AUTS2: variants seen among roughly 807,000 people sequenced by gnomAD.
AUTS2 encodes autism susceptibility gene 2 protein.
Under a neutral mutation model 112.4 loss-of-function variants are expected in AUTS2, and 17 were observed. That is an observed-to-expected ratio of 0.15 (90% CI 0.10 to 0.23). AUTS2 has a LOEUF of 0.23. AUTS2 is among the 10% of genes least tolerant of loss of function. The pLI is 1.00. For missense variants in AUTS2, 1,510 were observed against 1,701.6 expected, an observed-to-expected ratio of 0.89 and a Z score of 1.98; for synonymous variants, 751 against 702.7, an observed-to-expected ratio of 1.07 and a Z score of -1.09.
At chr7:70,023,358 G>T (rs1039201992) in intron 2 of AUTS2, among the ~76,000 whole-genome samples, 2 of 152,138 alleles carry the variant, frequency 1.3e-5, no homozygotes, top group Non-Finnish European at 2.9e-5. Flanking sequence ...CCTGGTGAAT[G>T]TCATTTTCTC....
chr7:70,238,013 A>G (rs1325098390), intron 4 of AUTS2, among the ~76,000 whole-genome samples: 2 of 152,224 alleles, frequency 1.3e-5, no homozygotes, highest in African/African-American at 2.4e-5. Flanking sequence ...CAAGTCCCAA[A>G]GAGAACTTAT....
At chr7:69,814,379 A>G (rs539931623) in intron 1 of AUTS2, among the ~76,000 whole-genome samples, 1 of 152,340 alleles carries the variant, frequency 6.6e-6, no homozygotes, top group African/African-American at 2.4e-5. Flanking sequence ...GATTGTCAGC[A>G]AGAGATTGGA....
intron 6 of AUTS2, among the ~76,000 whole-genome samples, chr7:70,708,586 T>C (rs1393854912): frequency 6.7e-6 from 1 of 150,318 alleles, no homozygotes; most frequent in African/African-American, 2.4e-5. Context: ...AACTCACTAA[T>C]TAAAAAAAAA....
intron 4 of AUTS2, among the ~76,000 whole-genome samples, chr7:70,193,260 C>G (rs1809998695): frequency 6.6e-6 from 1 of 151,600 alleles, no homozygotes; most frequent in Admixed American, 6.8e-5. Flanking sequence ...TAAACGTATG[C>G]ATTTGTACCT....
chr7:69,727,351 G>T (rs940352721), intron 1 of AUTS2, among the ~76,000 whole-genome samples: 1 of 152,106 alleles, frequency 6.6e-6, no homozygotes, highest in African/African-American at 2.4e-5. Flanking sequence ...CAGCACTTTG[G>T]GGGGATGAGG....
rs529597953 is a variant in AUTS2, at chr7:69,995,224, C to T, written c.522+95726C>T. Among the ~76,000 whole-genome samples, 3 of 152,232 alleles carry T rather than the reference C, an allele frequency of 2.0e-5. No individual in the cohort carries two copies. In the South Asian group the frequency reaches 6.2e-4, roughly 32 times the overall value. ...AAGAAATATAGCTGTAATTATATAT[C>T]CTCGTTCTTGTTACTCTCTCCCCAT... is the stretch of plus-strand genomic sequence containing the variant. On this transcript the variant is annotated intron_variant, in intron 2 of 18. Coordinates refer to ENST00000342771, the MANE Select transcript of AUTS2 (RefSeq NM_015570.4).
At chr7:70,560,123 A>G (rs997873907) in intron 5 of AUTS2, among the ~76,000 whole-genome samples, 1 of 152,156 alleles carries the variant, frequency 6.6e-6, no homozygotes, top group Non-Finnish European at 1.5e-5. Context: ...ATCCCGTTAT[A>G]TAGATGGTCG....
rs542397634 is a variant in AUTS2 at position 70,607,929 on chromosome 7, G to A, written c.691-90640G>A. On this transcript the variant is annotated intron_variant, in intron 5 of 18. Transcript: ENST00000342771. ...CATGTGGAATGTTGGTGGTCAATGT[G>A]TTATGTTAAGAAACTTAAAACCCTC... is the stretch of plus-strand genomic sequence containing the variant. Among the ~76,000 whole-genome samples, 4 of 152,286 alleles carry A rather than the reference G, an allele frequency of 2.6e-5. No homozygotes were observed. The South Asian group carries it at 8.3e-4, about 32-fold the overall frequency.
chr7:69,695,691 T>G (rs1196151368), intron 1 of AUTS2, among the ~76,000 whole-genome samples: 1 of 152,210 alleles, frequency 6.6e-6, no homozygotes, highest in Non-Finnish European at 1.5e-5. Flanking sequence ...TTGCTATATT[T>G]TAAGAGCATG....
intron 1 of AUTS2, among the ~76,000 whole-genome samples, chr7:69,647,226 A>C (rs1795065523): frequency 6.6e-6 from 1 of 152,072 alleles, no homozygotes. Context: ...GGAATTTCAG[A>C]CTCAATTTTT....
At chr7:69,738,950 A>T (rs1346956779) in intron 1 of AUTS2, among the ~76,000 whole-genome samples, 1 of 152,106 alleles carries the variant, frequency 6.6e-6, no homozygotes, top group Non-Finnish European at 1.5e-5. Context: ...TGCAGTTATT[A>T]GTGTGAATGC....
At chr7:70,643,685 T>C (rs1254207263) in intron 5 of AUTS2, among the ~76,000 whole-genome samples, 1 of 152,226 alleles carries the variant, frequency 6.6e-6, no homozygotes, top group East Asian at 1.9e-4. Flanking sequence ...TCTGGGAATT[T>C]TTCTAGACTG....
intron 1 of AUTS2, among the ~76,000 whole-genome samples, chr7:69,706,828 G>C (rs1202652937): frequency 2.6e-5 from 4 of 152,160 alleles, no homozygotes; most frequent in Admixed American, 6.5e-5. Context: ...AGCTGCTTGT[G>C]TTGTATTGTG....
At chr7:70,669,145 G>A (rs1031216331) in intron 5 of AUTS2, among the ~76,000 whole-genome samples, 3 of 152,152 alleles carry the variant, frequency 2.0e-5, no homozygotes, top group Non-Finnish European at 2.9e-5. Context: ...AAACACACCC[G>A]AACAGCGGTC....
intron 4 of AUTS2, among the ~76,000 whole-genome samples, chr7:70,156,296 A>C (rs1205112153): frequency 6.6e-6 from 1 of 152,210 alleles, no homozygotes; most frequent in East Asian, 1.9e-4. Context: ...GTGCCTATCA[A>C]ATTTCAGCCA....
At chr7:69,840,364 C>T (rs768961062) in intron 1 of AUTS2, among the ~76,000 whole-genome samples, 7 of 152,130 alleles carry the variant, frequency 4.6e-5, no homozygotes, top group East Asian at 1.9e-4. Context: ...ATTTGTTTAG[C>T]GCTAATTTAA....
intron 6 of AUTS2, among the ~76,000 whole-genome samples, chr7:70,756,721 T>TGG (rs1480439706): frequency 3.2e-4 from 49 of 152,326 alleles, no homozygotes; most frequent in African/African-American, 1.1e-3. Context: ...TTCAGATACC[T>TGG]GGAGCAGCCT....
intron 2 of AUTS2, among the ~76,000 whole-genome samples, chr7:70,057,637 C>T (rs1440743372): frequency 1.3e-5 from 2 of 152,204 alleles, no homozygotes; most frequent in Non-Finnish European, 2.9e-5. Flanking sequence ...AATCTACCCA[C>T]CAAATTGTGG....
At chr7:69,915,309 A>G (rs752844957) in intron 2 of AUTS2, among the ~76,000 whole-genome samples, 5 of 152,246 alleles carry the variant, frequency 3.3e-5, no homozygotes, top group Non-Finnish European at 7.3e-5. Context: ...TACCGAAAGC[A>G]TCGGCAAATG....
Sources: gnomAD v4.1 joint callset for allele counts (sites outside exome capture counted in the v4.1 genomes callset) on GRCh38, gnomAD v4.1.1 for gene constraint, MANE v1.5 for transcripts, NCBI Gene and HGNC (gene_info 2026-07-23, HGNC 2026-07-21) for gene names.